The following ZFHX3 variants were observed in gnomAD, a reference collection of about 807,000 sequenced individuals.
ZFHX3 encodes zinc finger homeobox 3.
Under a neutral mutation model 279.1 loss-of-function variants are expected in ZFHX3, and 42 were observed. That is an observed-to-expected ratio of 0.15 (90% confidence interval 0.12 to 0.19). The LOEUF (loss-of-function observed/expected upper bound fraction) is 0.19. Among genes scored for constraint, ZFHX3 ranks in the 10% least tolerant of loss-of-function variants. The pLI, the probability that ZFHX3 is intolerant of heterozygous loss-of-function variation, is 1.00. For missense variants in ZFHX3, 4,981 were observed against 4,754.0 expected (o/e 1.05, Z -1.40); for synonymous variants, 2,293 against 1,957.8 (o/e 1.17, Z -4.52).
intron 3 of ZFHX3, among the ~76,000 whole-genome samples, chr16:72,942,987 T>G (rs372731458): frequency 4.7e-4 from 72 of 152,340 alleles, no homozygotes; most frequent in Non-Finnish European, 9.3e-4. Context: ...CCATCCCTTC[T>G]TCTTGTTCCC....
At chr16:73,179,226 G>A (rs752965077) in intron 5 of ZFHX3, among the ~76,000 whole-genome samples, 2 of 152,138 alleles carry the variant, frequency 1.3e-5, no homozygotes, top group Non-Finnish European at 2.9e-5. Context: ...TTAAGTTTCA[G>A]TCAACTGTTT....
chr16:73,032,414 A>C (rs1006487771), intron 1 of ZFHX3, among the ~76,000 whole-genome samples: 1 of 152,220 alleles, frequency 6.6e-6, no homozygotes. Flanking sequence ...CCTTTTAAAA[A>C]GAAGATTCAG....
At chr16:73,723,468 T>G (rs1306970619) in intron 1 of ZFHX3, among the ~76,000 whole-genome samples, 2 of 151,870 alleles carry the variant, frequency 1.3e-5, no homozygotes, top group African/African-American at 4.8e-5. Context: ...GATTATTGAG[T>G]AAAGAAAAAT....
chr16:73,397,684 C>T (rs994701686), intron 3 of ZFHX3, among the ~76,000 whole-genome samples: 2 of 151,684 alleles, frequency 1.3e-5, no homozygotes, highest in African/African-American at 4.8e-5. Flanking sequence ...TTCAGGGATG[C>T]GTTTGGAGAG....
chr16:73,870,053 T>C (rs1004835775), intron 1 of ZFHX3, among the ~76,000 whole-genome samples: 14 of 152,242 alleles, frequency 9.2e-5, no homozygotes, highest in African/African-American at 3.4e-4. Flanking sequence ...CCTTTGACTC[T>C]TTATTGAGCT....
At chr16:73,733,564 T>G (rs1597087194) in intron 1 of ZFHX3, among the ~76,000 whole-genome samples, 1 of 152,252 alleles carries the variant, frequency 6.6e-6, no homozygotes, top group East Asian at 1.9e-4. Context: ...CTATGAATTT[T>G]CTTTCTTTGT....
At chr16:72,830,757 G>C (rs944450242) in intron 4 of ZFHX3, among the ~76,000 whole-genome samples, 1 of 152,180 alleles carries the variant, frequency 6.6e-6, no homozygotes, top group Non-Finnish European at 1.5e-5. Context: ...TTGCTTTCCT[G>C]GCCCTCCGAA....
At position 72,836,472 on chromosome 16, in the gene ZFHX3, C is replaced by T. The variant is rs1255027689; in HGVS notation, c.3449-6613G>A. Among the ~76,000 whole-genome samples the T allele has an allele frequency of 7.9e-5, 12 of 152,166 alleles. No homozygotes were observed. In the East Asian group the frequency reaches 1.3e-3, roughly 17 times the overall value. On this transcript the variant is annotated intron_variant, in intron 4 of 9. Transcript: ENST00000268489. ...CGATTAGGTCTTCTGGGTAACAATG[C>T]CCTGCCTCGGGAATTTTCCCTTAAA...
intron 3 of ZFHX3, among the ~76,000 whole-genome samples, chr16:73,319,220 T>C (rs1400649135): frequency 7.2e-5 from 11 of 152,152 alleles, no homozygotes; most frequent in Admixed American, 6.5e-4. Flanking sequence ...AGAATGATTC[T>C]TTATGCTTCC....
chr16:73,246,401 C>G (rs1171380505), intron 5 of ZFHX3, among the ~76,000 whole-genome samples: 1 of 152,164 alleles, frequency 6.6e-6, no homozygotes, highest in African/African-American at 2.4e-5. Flanking sequence ...GCTATGAACA[C>G]AAGACTCAGG....
chr16:73,840,056 G>C (rs1244079405), intron 1 of ZFHX3, among the ~76,000 whole-genome samples: 1 of 152,176 alleles, frequency 6.6e-6, no homozygotes, highest in Non-Finnish European at 1.5e-5. Flanking sequence ...GGAGTGAACA[G>C]GGACCTAATC....
intron 1 of ZFHX3, among the ~76,000 whole-genome samples, chr16:73,727,366 G>A (rs1567563114): frequency 6.6e-6 from 1 of 152,240 alleles, no homozygotes; most frequent in Non-Finnish European, 1.5e-5. Context: ...ACCGAGTATG[G>A]TGGGATTAGA....
intron 2 of ZFHX3, among the ~76,000 whole-genome samples, chr16:73,528,952 C>T (rs575955210): frequency 2.4e-4 from 36 of 152,290 alleles, no homozygotes; most frequent in South Asian, 2.3e-3. Context: ...CAGCCTGTAA[C>T]GAATCCCCAG....
intron 1 of ZFHX3, among the ~76,000 whole-genome samples, chr16:73,757,589 A>G (rs2019811): frequency 0.47 from 71,743 of 152,022 alleles, 17,128 homozygotes; most frequent in Middle Eastern, 0.52. Flanking sequence ...AGGCATTGAG[A>G]TAAAATGGGA....
rs527376281 is a variant in ZFHX3, at chr16:72,811,011, G to C, written c.3864+566C>G. Among the ~76,000 whole-genome samples the C allele has an allele frequency of 5.9e-5, 9 of 152,230 alleles. No homozygotes were observed. In the East Asian group the frequency reaches 1.5e-3, roughly 26 times the overall value. ...TCCTCCCAATTCAGCCTCCCAAGTA[G>C]CTAGGACAACAGGTGCATGCACCAC... On this transcript the variant is annotated intron_variant, in intron 7 of 9. Coordinates refer to ENST00000268489, the MANE Select transcript of ZFHX3 (RefSeq NM_006885.4).
At chr16:73,773,248 A>C (rs1189238140) in intron 1 of ZFHX3, among the ~76,000 whole-genome samples, 1 of 152,234 alleles carries the variant, frequency 6.6e-6, no homozygotes, top group Non-Finnish European at 1.5e-5. Flanking sequence ...CCACCATCAC[A>C]GAAAGTTCTA....
chr16:73,271,340 C>T (rs958200895), intron 4 of ZFHX3, among the ~76,000 whole-genome samples: 6 of 152,212 alleles, frequency 3.9e-5, no homozygotes, highest in Non-Finnish European at 7.3e-5. Context: ...GTCCCATAGG[C>T]CATCTCCCTG....
intron 2 of ZFHX3, among the ~76,000 whole-genome samples, chr16:73,570,621 C>A (rs974776851): frequency 6.6e-6 from 1 of 152,070 alleles, no homozygotes. Flanking sequence ...TGAAAAGTTT[C>A]TTGGGCATGA....
chr16:73,720,352 T>C (rs2053462720), intron 1 of ZFHX3, among the ~76,000 whole-genome samples: 1 of 152,160 alleles, frequency 6.6e-6, no homozygotes, highest in East Asian at 1.9e-4. Flanking sequence ...AAATTACCTA[T>C]AGATGTATGT....
Sources: allele counts gnomAD v4.1 joint callset (sites outside exome capture counted in the v4.1 genomes callset), GRCh38; gene constraint gnomAD v4.1.1; transcripts MANE v1.5; gene names NCBI Gene and HGNC (gene_info 2026-07-23, HGNC 2026-07-21).